CACNG4: variants seen among roughly 807,000 people sequenced by gnomAD.
CACNG4 encodes the protein calcium voltage-gated channel auxiliary subunit gamma 4, also known as voltage-dependent calcium channel gamma-4 subunit.
Under a neutral mutation model 22.9 loss-of-function variants are expected in CACNG4, and 8 were observed. The observed-to-expected ratio is 0.35, with a 90% confidence interval of 0.21 to 0.63. CACNG4 has a LOEUF of 0.63. Among genes scored for constraint, CACNG4 ranks in the 30% least tolerant of loss-of-function variants. The pLI is 0.72. For missense variants in CACNG4, 357 were observed against 455.4 expected, an observed-to-expected ratio of 0.78 and a Z score of 1.97; for synonymous variants, 188 against 191.9, an observed-to-expected ratio of 0.98 and a Z score of 0.17.
chr17:67,001,802 G>T (rs899884831), intron 1 of CACNG4, among the ~76,000 whole-genome samples: 1 of 152,244 alleles, frequency 6.6e-6, no homozygotes, highest in Non-Finnish European at 1.5e-5. Context: ...GAAGGTACAT[G>T]GTCCCAACAT....
intron 3 of CACNG4, among the ~76,000 whole-genome samples, chr17:67,026,377 G>GGT (rs751370040): frequency 1.3e-4 from 20 of 151,182 alleles, no homozygotes; most frequent in Non-Finnish European, 2.7e-4. Flanking sequence ...TGAGGAATGT[G>GGT]GTGTGTGTGT....
intron 1 of CACNG4, among the ~76,000 whole-genome samples, chr17:67,001,582 C>G (rs2035408241): frequency 6.6e-6 from 1 of 152,206 alleles, no homozygotes; most frequent in African/African-American, 2.4e-5. Flanking sequence ...TCATGCTACT[C>G]AAAGGCATGG....
chr17:67,031,112 G>A lies in CACNG4; in HGVS notation c.*108G>A. 1.6e-6 allele frequency: 2 copies of A among 1,262,538 alleles called. No individual in the cohort carries two copies. Among genetic ancestry groups the A allele is most frequent in the Non-Finnish European group, 2.2e-6 (2 of 907,348 alleles). 78.2% of individuals were successfully genotyped at this position (1,262,538 alleles called of 1,614,324 possible). ...GACGAACAATGAACTAAAGCCAAAT[G>A]CAGCCCTCCCTGGCCTCCAGAGGTG... On this transcript the variant is annotated 3_prime_UTR_variant, in exon 4 of 4. Transcript: ENST00000262138. This position sits in a 1 kb window ranked among gnomAD's most constrained non-coding sequence, Gnocchi z 4.0.
intron 1 of CACNG4, among the ~76,000 whole-genome samples, chr17:66,980,479 CT>C (rs760719969): frequency 1.3e-5 from 2 of 152,106 alleles, no homozygotes; most frequent in Non-Finnish European, 2.9e-5. Context: ...AAGACGCTTG[CT>C]TTTTTAAATT....
chr17:66,965,168 A>ACGCGCGCGCG (rs2035159442), intron 1 of CACNG4, 37 bp downstream of exon 1: 1 of 1,089,866 alleles, frequency 9.2e-7, no homozygotes, highest in South Asian at 1.4e-5. Context: ...CCCCACACAC[A>ACGCGCGCGCG]CACACACACA....
intron 3 of CACNG4, among the ~76,000 whole-genome samples, chr17:67,029,158 C>T (rs1192990016): frequency 1.3e-5 from 2 of 151,818 alleles, no homozygotes; most frequent in East Asian, 3.9e-4. Flanking sequence ...ATGGTGAAAC[C>T]CTGTCTCTAC....
At chr17:66,969,957 G>A (rs8074159) in intron 1 of CACNG4, among the ~76,000 whole-genome samples, 44 of 152,232 alleles carry the variant, frequency 2.9e-4, no homozygotes, top group African/African-American at 9.2e-4. Flanking sequence ...GAGTGACAGC[G>A]TCAGAACAGG....
At chr17:67,026,460 T>C (rs934283969) in intron 3 of CACNG4, among the ~76,000 whole-genome samples, 19 of 137,632 alleles carry the variant, frequency 1.4e-4, no homozygotes, top group African/African-American at 5.4e-4. Context: ...TGTATGTGTG[T>C]GTATTTGAGG....
chr17:67,025,064 G>C, intron 3 of CACNG4, 64 bp downstream of exon 3: 1 of 1,467,616 alleles, frequency 6.8e-7, no homozygotes, highest in Non-Finnish European at 9.0e-7. Flanking sequence ...CCTGTCTCGT[G>C]TGGTCCCCAC....
intron 1 of CACNG4, among the ~76,000 whole-genome samples, chr17:66,977,971 G>A (rs569026973): frequency 1.3e-5 from 2 of 152,312 alleles, no homozygotes; most frequent in East Asian, 1.9e-4. Flanking sequence ...CCTCCCGGAC[G>A]CCCTAAGGAG....
intron 2 of CACNG4, among the ~76,000 whole-genome samples, chr17:67,018,475 G>A (rs747513106): frequency 2.0e-5 from 3 of 152,196 alleles, no homozygotes; most frequent in Non-Finnish European, 4.4e-5. Context: ...ATCTCAATGC[G>A]GTTATTTGGC....
chr17:66,969,116 T>C (rs2035188986), intron 1 of CACNG4, among the ~76,000 whole-genome samples: 1 of 152,200 alleles, frequency 6.6e-6, no homozygotes, highest in Non-Finnish European at 1.5e-5. Context: ...GGGTACAGAA[T>C]GTAAGCAAAC....
intron 1 of CACNG4, among the ~76,000 whole-genome samples, chr17:67,013,933 G>A (rs558970493): frequency 2.6e-5 from 4 of 152,336 alleles, no homozygotes; most frequent in Middle Eastern, 3.4e-3. Flanking sequence ...CACACCCCGT[G>A]CCTGTTATTT....
chr17:66,981,599 ACT>A (rs955075243), intron 1 of CACNG4, among the ~76,000 whole-genome samples: 31 of 152,184 alleles, frequency 2.0e-4, no homozygotes, highest in African/African-American at 7.0e-4. Flanking sequence ...CAGGAGACCC[ACT>A]CTGTTTGTCA....
intron 1 of CACNG4, among the ~76,000 whole-genome samples, chr17:66,976,092 G>A (rs955162389): frequency 1.3e-5 from 2 of 152,244 alleles, no homozygotes; most frequent in African/African-American, 2.4e-5. Flanking sequence ...GACACCTGCC[G>A]AGAGCCCTGC....
Position 67,031,867 on chromosome 17 carries a change from G to A in CACNG4, c.*863G>A, listed in dbSNP as rs938863226. ...CAAGGAGCAACTCTGTCCCCTGAGC[G>A]TTGGGGGTCCCGGGGGAGAGGTGGA... On this transcript the variant is annotated 3_prime_UTR_variant, in exon 4 of 4. Transcript: ENST00000262138. The surrounding 1 kb of genome is among the most constrained non-coding windows in gnomAD (Gnocchi z 4.0). The A allele has an allele frequency of 1.5e-5, 7 of 456,514 alleles. No individual in the cohort carries two copies. Among genetic ancestry groups the A allele is most frequent in the Admixed American group, 4.7e-5 (2 of 42,560 alleles). The allele number at this position is 456,514 out of a possible 1,614,324, so 28.3% of individuals were successfully genotyped here.
intron 1 of CACNG4, among the ~76,000 whole-genome samples, chr17:66,986,551 C>G (rs1415624506): frequency 6.6e-6 from 1 of 152,166 alleles, no homozygotes; most frequent in Non-Finnish European, 1.5e-5. Flanking sequence ...ACAGGACACA[C>G]AGGAAGAGCA....
intron 1 of CACNG4, among the ~76,000 whole-genome samples, chr17:66,992,162 G>GT (rs2035344548): frequency 3.3e-5 from 1 of 30,690 alleles, no homozygotes; most frequent in South Asian, 8.1e-4. Flanking sequence ...CAAGCTCCTG[G>GT]GGGGGGGGGG....
intron 3 of CACNG4, among the ~76,000 whole-genome samples, chr17:67,025,391 CCTGG>C (rs2035557831): frequency 6.6e-6 from 1 of 152,200 alleles, no homozygotes; most frequent in Non-Finnish European, 1.5e-5. Flanking sequence ...GTGACAGGAG[CCTGG>C]CTGGGTCAGG....
Sources: allele counts gnomAD v4.1 joint callset (sites outside exome capture counted in the v4.1 genomes callset), GRCh38; gene constraint gnomAD v4.1.1; non-coding constraint Gnocchi (gnomAD v3.1); transcripts MANE v1.5; gene names NCBI Gene and HGNC (gene_info 2026-07-23, HGNC 2026-07-21).